DIABLO: variants seen among roughly 807,000 people sequenced by gnomAD.
DIABLO encodes the protein diablo homolog, mitochondrial.
In DIABLO, 32 loss-of-function variants were observed where a neutral mutation model predicts 31.7. That is an observed-to-expected ratio of 1.01 (90% confidence interval 0.76 to 1.35). DIABLO has a LOEUF of 1.35. DIABLO is among the 40% of genes most tolerant of loss of function. DIABLO has a pLI of 0.00. For synonymous variants in DIABLO, 132 were observed against 103.2 expected, an observed-to-expected ratio of 1.28 and a Z score of -1.69; for missense variants, 316 against 286.4, an observed-to-expected ratio of 1.10 and a Z score of -0.75.
intron 5 of DIABLO, among the ~76,000 whole-genome samples, chr12:122,214,719 CT>C (rs112840220): frequency 3.7e-4 from 55 of 149,942 alleles, no homozygotes; most frequent in East Asian, 3.5e-3. Flanking sequence ...ATCCCAGTTT[CT>C]TTTTTTTTTC....
At chr12:122,223,395 T>C (rs937390745) in intron 2 of DIABLO, among the ~76,000 whole-genome samples, 16 of 151,126 alleles carry the variant, frequency 1.1e-4, no homozygotes, top group Middle Eastern at 3.4e-3. Context: ...GATTGTGCCA[T>C]TGCACTGCAG....
At chr12:122,210,118 T>C (rs1462842021) in intron 5 of DIABLO, among the ~76,000 whole-genome samples, 3 of 152,146 alleles carry the variant, frequency 2.0e-5, no homozygotes, top group Non-Finnish European at 4.4e-5. Flanking sequence ...AATGGCTACG[T>C]TTGATTTACG....
chr12:122,227,291 C>T, upstream of DIABLO: 2 of 433,806 alleles, frequency 4.6e-6, no homozygotes, highest in Admixed American at 2.4e-5. Flanking sequence ...ACCTCCAATG[C>T]TGCTTTGCCC....
chr12:122,220,352 C>T (rs1359822665), intron 2 of DIABLO, among the ~76,000 whole-genome samples: 1 of 152,166 alleles, frequency 6.6e-6, no homozygotes, highest in Non-Finnish European at 1.5e-5. Flanking sequence ...CACATCCTCC[C>T]TGACTCTCTG....
At chr12:122,209,351 C>T (rs566813402) in intron 5 of DIABLO, among the ~76,000 whole-genome samples, 123 of 146,820 alleles carry the variant, frequency 8.4e-4, no homozygotes, top group Middle Eastern at 3.5e-3. Context: ...CGACAGACTC[C>T]GTCTCAAAAA....
upstream of DIABLO, chr12:122,226,386 G>A (rs1954478009): frequency 1.5e-6 from 1 of 680,448 alleles, no homozygotes; most frequent in South Asian, 1.5e-5. Flanking sequence ...CGGGCGGGAG[G>A]CGGGGCCGGG....
At chr12:122,218,418 C>T (rs772536457) in intron 2 of DIABLO, 21 bp from the exon 3 acceptor site, 26 of 1,613,810 alleles carry the variant, frequency 1.6e-5, no homozygotes, top group Non-Finnish European at 1.9e-5. Context: ...CAAACATTGT[C>T]ACTCAACCTC....
chr12:122,216,531 T>C lies in DIABLO; in HGVS notation c.480A>G (p.Ala160=). 6.2e-7 allele frequency: 1 copy of C among 1,614,194 alleles called. No individual in the cohort carries two copies. Among genetic ancestry groups the C allele is most frequent in the African/African-American group, 1.3e-5 (1 of 75,054 alleles). ...YLKLETTWMT[A]VGLSEMAAEA... is the part of the protein sequence containing the mutation. ...CTGCTGCCATCTCTGAAAGACCAAC[T>C]GCAGTCATCCAAGTGGTTTCCAGCT... Residue 160 remains alanine, a synonymous_variant, in exon 5 of 6, where the codon GCA becomes GCG. Coordinates refer to ENST00000464942, the MANE Select transcript of DIABLO (RefSeq NM_001371333.1).
At chr12:122,224,866 G>A in intron 1 of DIABLO, 1 of 1,459,304 alleles carries the variant, frequency 6.9e-7, no homozygotes. Flanking sequence ...CACTTGGAAG[G>A]CCAAGGGCAA....
At chr12:122,219,746 C>T (rs906517244) in intron 2 of DIABLO, among the ~76,000 whole-genome samples, 4 of 151,380 alleles carry the variant, frequency 2.6e-5, no homozygotes, top group African/African-American at 9.7e-5. Context: ...ACCTGTAGTC[C>T]CAGCTACTTG....
At chr12:122,211,667 C>A (rs901152853) in intron 5 of DIABLO, among the ~76,000 whole-genome samples, 4 of 151,958 alleles carry the variant, frequency 2.6e-5, no homozygotes, top group African/African-American at 9.7e-5. Flanking sequence ...GGCAACAGAG[C>A]AAGACCCTGT....
chr12:122,226,161 A>G (rs1333564315), upstream of DIABLO: 2 of 1,234,010 alleles, frequency 1.6e-6, no homozygotes, highest in East Asian at 2.5e-5. Context: ...AGGCAGGGGG[A>G]AAGGGGGCGA....
Position 122,218,327 on chromosome 12 carries a change from G to C in DIABLO, c.254C>G (p.Thr85Ser), listed in dbSNP as rs752158530. ...TGTGGTCTGAGAGAGAAAGGTAGAG[G>C]TGCTATCTGTTACCAAAGACACTGC... ...RRAVSLVTDSTSTFLSQTTYA... is the reference protein window; with the variant it reads ...RRAVSLVTDSSSTFLSQTTYA... Residue 85 changes from threonine (T) to serine (S), a missense_variant, in exon 3 of 6, where the codon ACC (threonine) becomes AGC (serine). By Grantham distance (58) the Thr-to-Ser change is moderately conservative (BLOSUM62 1). Transcript: ENST00000464942. The C allele has an allele frequency of 4.3e-6, 7 of 1,613,956 alleles. No individual in the cohort carries two copies. The African/African-American group carries it at 5.3e-5, about 12-fold the overall frequency.
At chr12:122,226,230 C>G, upstream of DIABLO, 1 of 781,130 alleles carries the variant, frequency 1.3e-6, no homozygotes, top group Non-Finnish European at 2.2e-6. Context: ...AACTTCCGCG[C>G]GGGGCGGGGC....
chr12:122,208,579 T>A lies in DIABLO; in HGVS notation c.524-2A>T. On this transcript the variant is annotated splice_acceptor_variant, in intron 5 of 5. Coordinates refer to ENST00000464942, the MANE Select transcript of DIABLO (RefSeq NM_001371333.1). LOFTEE classifies it high-confidence loss of function. ...CGGTTATAGAGGCCTGATCTGCGCC[T>A]GCCAAAAGATGGGACAATCGGGTTG... 1 of 1,611,812 alleles carries A rather than the reference T, an allele frequency of 6.2e-7. No homozygotes were observed. The highest frequency in any genetic ancestry group is 8.5e-7 in the Non-Finnish European group (1 of 1,179,966).
chr12:122,216,931 A>G, intron 3 of DIABLO, 62 bp from the exon 4 acceptor site: 1 of 1,407,852 alleles, frequency 7.1e-7, no homozygotes, highest in Non-Finnish European at 1.0e-6. Flanking sequence ...AGGAATAGAG[A>G]GATTTCCACC....
At chr12:122,216,679 T>C in intron 4 of DIABLO, 80 bp downstream of exon 4, 1 of 1,550,800 alleles carries the variant, frequency 6.4e-7, no homozygotes, top group Non-Finnish European at 8.9e-7. Context: ...CTGATTATAT[T>C]GATTAGACTT....
In DIABLO at chr12:122,208,286, C is replaced by A. The variant is rs769830268; in HGVS notation, c.*95G>T. ...GCCAGGGCAGGATCTGCCGCCTCTT[C>A]TCGGTGCACAGACAGTCATGCCAAC... is the stretch of plus-strand genomic sequence containing the variant. On this transcript the variant is annotated 3_prime_UTR_variant, in exon 6 of 6. Transcript: ENST00000464942. 2.0e-6 allele frequency: 3 copies of A among 1,465,494 alleles called. No homozygotes were observed. The highest frequency in any genetic ancestry group is 2.8e-6 in the Non-Finnish European group (3 of 1,059,578). The allele number at this position is 1,465,494 out of a possible 1,614,324, so 90.8% of individuals were successfully genotyped here. A position where few individuals can be genotyped will look rare whatever the true frequency, so the allele number is the denominator to read the frequency against.
chr12:122,217,094 C>A, intron 3 of DIABLO: 1 of 497,020 alleles, frequency 2.0e-6, no homozygotes, highest in Non-Finnish European at 3.6e-6. Context: ...GCAATTCAGA[C>A]ACAGAAAGAG....
Sources: gnomAD v4.1 joint callset for allele counts (sites outside exome capture counted in the v4.1 genomes callset) on GRCh38, gnomAD v4.1.1 for gene constraint, MANE v1.5 for transcripts, NCBI Gene and HGNC (gene_info 2026-07-23, HGNC 2026-07-21) for gene names.